Variants in PHF12 observed in about 807,000 individuals in gnomAD.
The protein encoded by PHF12 is PHD factor 1.
Under a neutral mutation model 99.8 loss-of-function variants are expected in PHF12, and 6 were observed. That is an observed-to-expected ratio of 0.06 (90% confidence interval 0.03 to 0.12). The LOEUF (loss-of-function observed/expected upper bound fraction) is 0.12. PHF12 is among the 10% of genes least tolerant of loss of function. The pLI is 1.00. For synonymous variants in PHF12, 480 were observed against 514.9 expected, an observed-to-expected ratio of 0.93 and a Z score of 0.92; for missense variants, 954 against 1,300.1, an observed-to-expected ratio of 0.73 and a Z score of 4.09.
At chr17:28,927,578 C>T (rs1247986110) in intron 2 of PHF12, among the ~76,000 whole-genome samples, 1 of 152,234 alleles carries the variant, frequency 6.6e-6, no homozygotes, top group African/African-American at 2.4e-5. Context: ...AAGACAGCTG[C>T]AAATTATCTG....
intron 9 of PHF12, 89 bp from the exon 10 acceptor site, chr17:28,911,326 G>C (rs777187711): frequency 1.3e-6 from 2 of 1,539,170 alleles, no homozygotes; most frequent in South Asian, 1.2e-5. Context: ...TCTGGATTTC[G>C]GACCCAAGGT....
In PHF12 at chr17:28,945,571, T is replaced by C. The variant is rs566402689; in HGVS notation, c.248+4494A>G. On this transcript the variant is annotated intron_variant, in intron 2 of 14. Transcript: ENST00000332830. ...ATCAGACCATTTTGGTCCCTCAGTC[T>C]GTTTGGAGCAAAATGCCATAAGAAG... 2.6e-5 allele frequency among the ~76,000 whole-genome samples: 4 copies of C among 152,354 alleles called. No homozygotes were observed. The South Asian group carries it at 6.2e-4, about 24-fold the overall frequency.
rs1165559930 is a variant in PHF12 at position 28,906,233 on chromosome 17, A to C, written c.2965T>G (p.Ser989Ala). Reference sequence around the variant, plus strand: ...ACAGGGCCCTGGTGGGGCTTGAGAGAGAGCTTCTCGGCCAAGACCCCATCC... The same window carrying C: ...ACAGGGCCCTGGTGGGGCTTGAGAGCGAGCTTCTCGGCCAAGACCCCATCC... Reference protein sequence around the residue: ...LQDGVLAEKLSLKPHQGPVLR... With the variant: ...LQDGVLAEKLALKPHQGPVLR... The change falls in exon 15 of 15, where the codon TCT becomes GCT. Residue 989 changes from serine to alanine, a missense_variant. Physicochemically the swap from Ser to Ala is moderately conservative, Grantham distance 99. Coordinates refer to ENST00000332830, the MANE Select transcript of PHF12 (RefSeq NM_001033561.2). This position sits in a 1 kb window ranked among gnomAD's most constrained non-coding sequence, Gnocchi z 4.2. The C allele has an allele frequency of 6.2e-7, 1 of 1,612,066 alleles. No homozygotes were observed. The highest frequency in any genetic ancestry group is 2.2e-5 in the East Asian group (1 of 44,828).
chr17:28,930,053 AG>A (rs1306869391), intron 2 of PHF12: 1 of 152,250 alleles, frequency 6.6e-6, no homozygotes, highest in African/African-American at 2.4e-5. Context: ...AAACATTTAA[AG>A]TAGAGAAGAT....
At chr17:28,907,524 A>T in intron 13 of PHF12, 66 bp downstream of exon 13, 1 of 1,537,864 alleles carries the variant, frequency 6.5e-7, no homozygotes, top group East Asian at 2.3e-5. Flanking sequence ...CACTGAACAA[A>T]AACCTACTGC....
In PHF12 at chr17:28,912,541, C is replaced by A; in HGVS notation, c.2030G>T (p.Gly677Val). 1 of 1,613,358 alleles carries A rather than the reference C, an allele frequency of 6.2e-7. No homozygotes were observed. Among genetic ancestry groups the A allele is most frequent in the Non-Finnish European group, 8.5e-7 (1 of 1,179,326 alleles). ...GGCTGTTGTGGCCAAGATACCATCT[C>A]CTGCTGCTTGCGGGGGAGTGAGCAC... ...TRVLTPPQAA[G>V]DGILATTANQ... is the part of the protein sequence containing the mutation. Residue 677 changes from glycine (G) to valine (V), a missense_variant, in exon 9 of 15, where the codon GGA becomes GTA. This residue lies in a region of PHF12 where 392 missense variants were observed against 423.1 expected (regional missense o/e 0.93). Coordinates refer to ENST00000332830, the MANE Select transcript of PHF12 (RefSeq NM_001033561.2).
chr17:28,923,852 T>G, intron 4 of PHF12, 57 bp downstream of exon 4: 2 of 1,541,350 alleles, frequency 1.3e-6, no homozygotes, highest in Non-Finnish European at 1.7e-6. Flanking sequence ...ACTGCTCTTG[T>G]GCTGGTCCTT....
intron 12 of PHF12, 62 bp from the exon 13 acceptor site, chr17:28,907,734 C>T (rs1237988613): frequency 3.4e-5 from 51 of 1,521,356 alleles, no homozygotes; most frequent in Admixed American, 1.7e-4. Flanking sequence ...GTGCATGTGT[C>T]GGGGAGGTAA....
chr17:28,916,277 C>G (rs182257384), intron 7 of PHF12, among the ~76,000 whole-genome samples: 4 of 152,280 alleles, frequency 2.6e-5, no homozygotes, highest in Admixed American at 2.6e-4. Flanking sequence ...TCACTGCAAC[C>G]TCCACCTCCC....
At chr17:28,929,570 G>C (rs974307149) in intron 2 of PHF12, 11 of 152,138 alleles carry the variant, frequency 7.2e-5, no homozygotes, top group Admixed American at 6.5e-4. Context: ...AGAGCTTAAA[G>C]CTATGCTGTT....
intron 2 of PHF12, among the ~76,000 whole-genome samples, chr17:28,933,591 T>C (rs1256284832): frequency 6.6e-6 from 1 of 152,188 alleles, no homozygotes; most frequent in Non-Finnish European, 1.5e-5. Context: ...ATTTCTGGGG[T>C]ACACAGTGAA....
chr17:28,908,304 A>G (rs1459833135), intron 12 of PHF12: 2 of 165,264 alleles, frequency 1.2e-5, no homozygotes, highest in Non-Finnish European at 2.7e-5. Flanking sequence ...AAGGGCCTGA[A>G]CAAGGGAAGA....
In PHF12 at chr17:28,921,669, T is replaced by C. The variant is rs565522732; in HGVS notation, c.836+19A>G. 15 of 1,612,910 alleles carry C rather than the reference T, an allele frequency of 9.3e-6. 1 individual carries two copies. In the South Asian group the frequency reaches 1.6e-4, roughly 18 times the overall value. Reference sequence around the variant, plus strand: ...CTGCTAAATAATGAGAAAGAGCCCCTTAGTATGAAAGAAAATACCTGTTAC... The same window carrying C: ...CTGCTAAATAATGAGAAAGAGCCCCCTAGTATGAAAGAAAATACCTGTTAC... On this transcript the variant is annotated intron_variant, in intron 5 of 14. Transcript: ENST00000332830.
intron 2 of PHF12, among the ~76,000 whole-genome samples, chr17:28,947,270 A>G (rs1015151427): frequency 2.6e-5 from 4 of 152,168 alleles, no homozygotes; most frequent in Admixed American, 1.3e-4. Context: ...CGTGAGCCAC[A>G]GCACCCGGCT....
intron 2 of PHF12, among the ~76,000 whole-genome samples, chr17:28,940,344 T>A (rs2040591329): frequency 6.6e-6 from 1 of 152,222 alleles, no homozygotes; most frequent in Non-Finnish European, 1.5e-5. Context: ...AGTGAGCATT[T>A]ATGTAGTACG....
chr17:28,940,832 A>C (rs1178577178), intron 2 of PHF12, among the ~76,000 whole-genome samples: 1 of 152,194 alleles, frequency 6.6e-6, no homozygotes, highest in Admixed American at 6.5e-5. Flanking sequence ...AATTTGGTCT[A>C]GGACTTGCAC....
intron 9 of PHF12, among the ~76,000 whole-genome samples, chr17:28,911,776 G>C (rs1171867908): frequency 6.6e-6 from 1 of 152,140 alleles, no homozygotes; most frequent in Admixed American, 6.5e-5. Context: ...ACCACAGAGG[G>C]TTCCGGCAGC....
intron 2 of PHF12, among the ~76,000 whole-genome samples, chr17:28,945,876 C>A (rs570534904): frequency 5.9e-5 from 9 of 152,288 alleles, no homozygotes; most frequent in African/African-American, 1.9e-4. Flanking sequence ...TGGCTCACAC[C>A]TGTAATCCCA....
At position 28,914,671 on chromosome 17, in the gene PHF12, C is replaced by CAAAAAAAA. The variant is rs61203588; in HGVS notation, c.1135-642_1135-635dup. 4.1e-3 allele frequency among the ~76,000 whole-genome samples: 125 copies of CAAAAAAAA among 30,348 alleles called. 18 individuals carry two copies. Among genetic ancestry groups the CAAAAAAAA allele is most frequent in the South Asian group, 0.012 (5 of 422 alleles). 19.9% of individuals were successfully genotyped at this position (30,348 alleles called of 152,430 possible). ...TGGGTGAAAGAGCGAGACTCCGTCTCAAAAAAAAAAAAAAAAAAAAAAAAA... is the reference window on the plus strand; with the variant it reads ...TGGGTGAAAGAGCGAGACTCCGTCTCAAAAAAAAAAAAAAAAAAAAAAAAAAAAAAAAA... On this transcript the variant is annotated intron_variant, in intron 7 of 14. Coordinates refer to ENST00000332830, the MANE Select transcript of PHF12 (RefSeq NM_001033561.2).
Sources: gnomAD v4.1 joint callset for allele counts (sites outside exome capture counted in the v4.1 genomes callset) on GRCh38, gnomAD v4.1.1 for gene constraint, gnomAD v4.1.1 regional missense constraint, Gnocchi (gnomAD v3.1) non-coding constraint, MANE v1.5 for transcripts, NCBI Gene and HGNC (gene_info 2026-07-23, HGNC 2026-07-21) for gene names.